Variants in TRIM49 observed in about 807,000 individuals in gnomAD.
The protein encoded by TRIM49 is tripartite motif containing 49.
In TRIM49, 5 loss-of-function variants were observed where a neutral mutation model predicts 27.4. The observed-to-expected ratio is 0.18, with a 90% CI of 0.10 to 0.38. The LOEUF (loss-of-function observed/expected upper bound fraction) is 0.38. Among genes scored for constraint, TRIM49 ranks in the 10% least tolerant of loss-of-function variants. The pLI, the probability that TRIM49 is intolerant of heterozygous loss-of-function variation, is 1.00. For missense variants in TRIM49, 188 were observed against 487.5 expected (o/e 0.39, Z 5.79); for synonymous variants, 69 against 166.0 (o/e 0.42, Z 4.49).
chr11:89,770,790 C>T, the TRIM49 span, among the ~76,000 whole-genome samples: 18 of 143,876 alleles, frequency 1.3e-4, 3 homozygotes, highest in South Asian at 2.6e-3. Context: ...GGCGTGAACC[C>T]GGGAGGCGGA....
At chr11:89,791,659 G>A in the TRIM49 span, among the ~76,000 whole-genome samples, 35 of 151,690 alleles carry the variant, frequency 2.3e-4, no homozygotes, top group African/African-American at 8.2e-4. Context: ...CATAAGTGAA[G>A]GAGAAATAAA....
At chr11:89,793,516 A>G (rs1949669051), downstream of TRIM49, among the ~76,000 whole-genome samples, 1 of 152,194 alleles carries the variant, frequency 6.6e-6, no homozygotes, top group African/African-American at 2.4e-5. Flanking sequence ...CCAGCAGCAC[A>G]TCAAAAAGCT....
chr11:89,800,566 A>T (rs1949726844), intron 6 of TRIM49, among the ~76,000 whole-genome samples: 1 of 150,784 alleles, frequency 6.6e-6, no homozygotes, highest in African/African-American at 2.5e-5. Flanking sequence ...ACATGGTGAA[A>T]CCCAGTCTCT....
chr11:89,804,146 C>G lies in TRIM49; in HGVS notation c.324G>C (p.Arg108Ser), dbSNP rs1949764325. 2 of 1,605,746 alleles carry G rather than the reference C, an allele frequency of 1.2e-6. No individual in the cohort carries two copies. Among genetic ancestry groups the G allele is most frequent in the Non-Finnish European group, 1.7e-6 (2 of 1,177,332 alleles). ...TGGAGCACAGCAAACAGAGCAGGCT[C>G]CTGTCCACTTCACAGAATATCTTCT... The part of the protein sequence containing the change: ...ETKKIFCEVD[R>S]SLLCLLCSSS... The change falls in exon 3 of 8, where the codon AGG becomes AGC. Residue 108 changes from arginine to serine, a missense_variant. Transcript: ENST00000329758.
the TRIM49 span, among the ~76,000 whole-genome samples, chr11:89,767,842 T>C: frequency 7.3e-6 from 1 of 136,242 alleles, no homozygotes; most frequent in Non-Finnish European, 1.5e-5. Flanking sequence ...AGTCATTAAC[T>C]GCACTGAATT....
chr11:89,803,446 G>T (rs1465742969), intron 4 of TRIM49, among the ~76,000 whole-genome samples: 3 of 147,464 alleles, frequency 2.0e-5, no homozygotes, highest in African/African-American at 7.5e-5. Flanking sequence ...GGATCTGTTG[G>T]TGTATAACTA....
chr11:89,784,624 C>CT, the TRIM49 span, among the ~76,000 whole-genome samples: 12 of 140,200 alleles, frequency 8.6e-5, no homozygotes, highest in Non-Finnish European at 1.8e-4. Flanking sequence ...CCCAGCACTC[C>CT]TTTTTTTGAT....
chr11:89,805,450 G>A (rs1591516068), intron 2 of TRIM49, among the ~76,000 whole-genome samples: 1 of 151,276 alleles, frequency 6.6e-6, no homozygotes, highest in East Asian at 1.9e-4. Flanking sequence ...CATCCAATCA[G>A]CTGACACCTC....
At chr11:89,791,707 A>G in the TRIM49 span, among the ~76,000 whole-genome samples, 1 of 152,130 alleles carries the variant, frequency 6.6e-6, no homozygotes, top group Non-Finnish European at 1.5e-5. Context: ...AGATTTTGTC[A>G]CCACCAGGCC....
At chr11:89,791,564 C>A in the TRIM49 span, among the ~76,000 whole-genome samples, 1 of 150,614 alleles carries the variant, frequency 6.6e-6, no homozygotes, top group Non-Finnish European at 1.5e-5. Context: ...ACTCTACAAG[C>A]CAGAAGTGAG....
chr11:89,785,359 A>G, the TRIM49 span, among the ~76,000 whole-genome samples: 2 of 144,174 alleles, frequency 1.4e-5, no homozygotes, highest in African/African-American at 5.5e-5. Flanking sequence ...CATACTTAAC[A>G]TGCCAGTGGA....
At chr11:89,806,527 T>A (rs1216985903) in intron 2 of TRIM49, among the ~76,000 whole-genome samples, 1 of 150,204 alleles carries the variant, frequency 6.7e-6, no homozygotes, top group African/African-American at 2.5e-5. Flanking sequence ...TTTTCACAGT[T>A]TAATAAGATT....
At chr11:89,785,664 T>A in the TRIM49 span, among the ~76,000 whole-genome samples, 17 of 145,102 alleles carry the variant, frequency 1.2e-4, no homozygotes, top group African/African-American at 4.6e-4. Flanking sequence ...TAATTAAAAT[T>A]TACAAAAGAA....
chr11:89,775,555 A>G, the TRIM49 span, among the ~76,000 whole-genome samples: 5 of 128,444 alleles, frequency 3.9e-5, no homozygotes, highest in Non-Finnish European at 7.8e-5. Context: ...TGTAGAGTGG[A>G]AAACCTAATA....
chr11:89,789,706 T>C, the TRIM49 span: 2 of 152,110 alleles, frequency 1.3e-5, no homozygotes, highest in African/African-American at 2.4e-5. Context: ...CATCTGACCC[T>C]TGTTGGGTTG....
At chr11:89,800,471 C>T (rs543694929) in intron 6 of TRIM49, among the ~76,000 whole-genome samples, 36 of 151,664 alleles carry the variant, frequency 2.4e-4, no homozygotes, top group East Asian at 5.8e-4. Flanking sequence ...GGGCCGGGCG[C>T]GGTGGTTCAC....
At chr11:89,773,049 G>A in the TRIM49 span, among the ~76,000 whole-genome samples, 2 of 136,720 alleles carry the variant, frequency 1.5e-5, 1 homozygote, top group Non-Finnish European at 3.0e-5. Context: ...AAATTAGCCA[G>A]TCATGGTGGC....
the TRIM49 span, chr11:89,785,926 C>T: frequency 1.4e-5 from 2 of 141,606 alleles, no homozygotes. Context: ...GTGCCGCGAT[C>T]CCCCGCCCAC....
chr11:89,787,956 T>A, the TRIM49 span: 1 of 305,662 alleles, frequency 3.3e-6, no homozygotes, highest in East Asian at 6.9e-5. Context: ...CTCTCTAGGA[T>A]GCTCCCAGGA....
Sources: allele counts gnomAD v4.1 joint callset (sites outside exome capture counted in the v4.1 genomes callset), GRCh38; gene constraint gnomAD v4.1.1; transcripts MANE v1.5; gene names NCBI Gene and HGNC (gene_info 2026-07-23, HGNC 2026-07-21).